N4BP2L2: variants seen among roughly 807,000 people sequenced by gnomAD.
N4BP2L2 encodes NEDD4 binding protein 2 like 2.
A neutral mutation model predicts 56.2 loss-of-function variants in N4BP2L2; 50 were observed. The observed-to-expected ratio is 0.89, with a 90% CI of 0.71 to 1.13. N4BP2L2 has a LOEUF of 1.13. Among genes scored for constraint, N4BP2L2 ranks in the 50% most tolerant of loss-of-function variants. The pLI is 0.00. For synonymous variants in N4BP2L2, 203 were observed against 223.6 expected, an observed-to-expected ratio of 0.91 and a Z score of 0.82; for missense variants, 689 against 693.8, an observed-to-expected ratio of 0.99 and a Z score of 0.08.
At chr13:32,468,268 C>CA (rs59875338) in intron 6 of N4BP2L2, among the ~76,000 whole-genome samples, 39,064 of 103,798 alleles carry the variant, frequency 0.38, 5,841 homozygotes, top group Non-Finnish European at 0.47. Flanking sequence ...CAAAAAGAGA[C>CA]AAAAAAAAAA....
intron 6 of N4BP2L2, among the ~76,000 whole-genome samples, chr13:32,481,184 A>G (rs2084668371): frequency 6.6e-6 from 1 of 151,276 alleles, no homozygotes; most frequent in Non-Finnish European, 1.5e-5. Context: ...TGCCTTTAAA[A>G]GTCCCCTAAA....
intron 6 of N4BP2L2, among the ~76,000 whole-genome samples, chr13:32,486,345 T>C (rs1023668773): frequency 2.6e-5 from 4 of 152,120 alleles, no homozygotes; most frequent in Admixed American, 2.6e-4. Flanking sequence ...ATCTCATACA[T>C]AGAAAATTCA....
intron 6 of N4BP2L2, chr13:32,478,655 A>T (rs1427441012): frequency 1.3e-5 from 2 of 152,458 alleles, no homozygotes; most frequent in African/African-American, 2.4e-5. Context: ...AGAGACTTTC[A>T]GAAGATTCTC....
Position 32,445,922 on chromosome 13 carries a change from G to C in N4BP2L2, c.366-1796C>G, listed in dbSNP as rs1436458533. On this transcript the variant is annotated intron_variant, in intron 6 of 9. Transcript: ENST00000357505. The stretch of plus-strand genomic sequence containing the variant: ...TCCTGTCTTTCACCCTGGATAATCA[G>C]AGTCAGGGTCAAGGTGACAATGAAG... Among the ~76,000 whole-genome samples, 5 of 151,928 alleles carry C rather than the reference G, an allele frequency of 3.3e-5. No individual in the cohort carries two copies. The East Asian group carries it at 9.6e-4, about 29-fold the overall frequency.
intron 6 of N4BP2L2, among the ~76,000 whole-genome samples, chr13:32,459,349 G>GT (rs924273824): frequency 5.6e-4 from 85 of 151,536 alleles, no homozygotes; most frequent in African/African-American, 1.1e-3. Flanking sequence ...AACAAAAAGT[G>GT]TTTTTTTTGA....
chr13:32,533,164 A>T (rs2055454133), intron 2 of N4BP2L2, among the ~76,000 whole-genome samples: 1 of 152,196 alleles, frequency 6.6e-6, no homozygotes, highest in African/African-American at 2.4e-5. Context: ...TTACATACCA[A>T]ACAAACTTTA....
At chr13:32,432,679 A>T (rs1202761431) in exon 10 of N4BP2L2, 1 of 152,198 alleles carries the variant, frequency 6.6e-6, no homozygotes, top group Admixed American at 6.5e-5. Context: ...TTTTAATCCT[A>T]ATGCAGTTTT....
At chr13:32,458,056 T>G (rs2079287517) in intron 6 of N4BP2L2, among the ~76,000 whole-genome samples, 1 of 151,978 alleles carries the variant, frequency 6.6e-6, no homozygotes, top group Non-Finnish European at 1.5e-5. Context: ...TTTGTTTTGT[T>G]TTTTGTTTTG....
At chr13:32,483,101 A>G (rs1440829798) in intron 6 of N4BP2L2, among the ~76,000 whole-genome samples, 1 of 152,218 alleles carries the variant, frequency 6.6e-6, no homozygotes, top group Non-Finnish European at 1.5e-5. Flanking sequence ...TAGTTTACTT[A>G]CAGCCCAGCA....
exon 2 of N4BP2L2, chr13:32,536,877 C>G: frequency 6.2e-7 from 1 of 1,614,020 alleles, no homozygotes; most frequent in South Asian, 1.1e-5. Context: ...CAATCATTTC[C>G]AGTTTTCTCT....
At chr13:32,501,143 CA>C (rs1347898169) in intron 6 of N4BP2L2, among the ~76,000 whole-genome samples, 1 of 152,214 alleles carries the variant, frequency 6.6e-6, no homozygotes, top group East Asian at 1.9e-4. Context: ...GCTGGGCTTA[CA>C]GGTGTGAGCC....
chr13:32,503,051 T>C (rs1373029399), intron 6 of N4BP2L2, among the ~76,000 whole-genome samples: 1 of 150,954 alleles, frequency 6.6e-6, no homozygotes, highest in East Asian at 2.0e-4. Context: ...TAGGCACCTG[T>C]AATCCCAGCG....
At chr13:32,465,216 C>T (rs2081013702) in intron 6 of N4BP2L2, among the ~76,000 whole-genome samples, 1 of 152,126 alleles carries the variant, frequency 6.6e-6, no homozygotes, top group African/African-American at 2.4e-5. Context: ...CCACTGGCCT[C>T]AGCCTCCCAA....
At chr13:32,509,693 T>C (rs138815389), downstream of N4BP2L2, among the ~76,000 whole-genome samples, 5 of 152,192 alleles carry the variant, frequency 3.3e-5, no homozygotes, top group African/African-American at 9.7e-5. Flanking sequence ...AAGGGTTACA[T>C]TGAACTATAT....
chr13:32,436,812 A>G (rs562739129), intron 8 of N4BP2L2, among the ~76,000 whole-genome samples: 11 of 112,616 alleles, frequency 9.8e-5, no homozygotes, highest in South Asian at 6.2e-4. Context: ...AAAAAAAAAG[A>G]AAGGAAGAAA....
At chr13:32,534,591 A>C (rs560479384) in intron 2 of N4BP2L2, among the ~76,000 whole-genome samples, 1 of 152,344 alleles carries the variant, frequency 6.6e-6, no homozygotes, top group South Asian at 2.1e-4. Context: ...TCAAAATACA[A>C]AGACCAAAAT....
chr13:32,506,810 T>C (rs1209283405), downstream of N4BP2L2: 1 of 152,166 alleles, frequency 6.6e-6, no homozygotes, highest in African/African-American at 2.4e-5. Context: ...TGAAGTTGCA[T>C]AGGAAAAACA....
intron 2 of N4BP2L2, among the ~76,000 whole-genome samples, chr13:32,529,896 T>C (rs2054202795): frequency 6.6e-6 from 1 of 152,068 alleles, no homozygotes; most frequent in Non-Finnish European, 1.5e-5. Context: ...CGGCTAATTT[T>C]TGTATTTTTA....
downstream of N4BP2L2, chr13:32,505,773 T>C (rs1004635600): frequency 6.6e-6 from 1 of 152,218 alleles, no homozygotes; most frequent in Non-Finnish European, 1.5e-5. Context: ...TACCAATATT[T>C]ATTCAAGGTG....
Sources: allele counts gnomAD v4.1 joint callset (sites outside exome capture counted in the v4.1 genomes callset), GRCh38; gene constraint gnomAD v4.1.1; transcripts MANE v1.5; gene names NCBI Gene and HGNC (gene_info 2026-07-23, HGNC 2026-07-21).